LOXHD1: variants seen among roughly 807,000 people sequenced by gnomAD.
LOXHD1 encodes the protein lipoxygenase homology PLAT domains 1.
Under a neutral mutation model 248.2 loss-of-function variants are expected in LOXHD1, and 205 were observed. The ratio of observed to expected loss-of-function variants is 0.83; its 90% confidence interval spans 0.74 to 0.93. LOXHD1 has a LOEUF of 0.93. LOXHD1 is among the 40% of genes least tolerant of loss of function. LOXHD1 has a pLI of 0.00. For missense variants in LOXHD1, 2,930 were observed against 2,971.6 expected, an observed-to-expected ratio of 0.99 and a Z score of 0.33; for synonymous variants, 1,113 against 1,162.8, an observed-to-expected ratio of 0.96 and a Z score of 0.87.
rs534992278 is a variant in LOXHD1 at position 46,574,615 on chromosome 18, T to TAA, written c.1971-2455_1971-2454dup. Among the ~76,000 whole-genome samples, 599 of 122,966 alleles carry TAA rather than the reference T, an allele frequency of 4.9e-3. 1 individual carries two copies. Among genetic ancestry groups the TAA allele is most frequent in the Non-Finnish European group, 6.5e-3 (373 of 57,682 alleles). The allele number at this position is 122,966 out of a possible 152,430, so 80.7% of individuals were successfully genotyped here. ...CAGCAAGACATAAGAACCCATTTTC[T>TAA]AAAAAAAAAAAAAAAAAAATGCATG... On this transcript the variant is annotated intron_variant, in intron 14 of 40. Transcript: ENST00000642948.
In LOXHD1 at chr18:46,499,905, C is replaced by T. The variant is rs115989295; in HGVS notation, c.5878+5933G>A. On this transcript the variant is annotated intron_variant, in intron 37 of 40. Coordinates refer to ENST00000642948, the MANE Select transcript of LOXHD1 (RefSeq NM_001384474.1). ...TGCTGTTTGGAAACAAATGAGGCCT[C>T]ATGTTTCCTCTATTAAATTTATGTC... Among the ~76,000 whole-genome samples, 1,522 of 152,240 alleles carry T rather than the reference C, an allele frequency of 1.0e-2. 27 individuals carry two copies. The highest frequency in any genetic ancestry group is 0.035 in the African/African-American group (1,456 of 41,546).
intron 26 of LOXHD1, 37 bp downstream of exon 26, chr18:46,538,119 C>T (rs2036393992): frequency 1.3e-6 from 2 of 1,508,164 alleles, no homozygotes; most frequent in Non-Finnish European, 1.8e-6. Context: ...TCTGTCTGAC[C>T]TACTCCATCC....
At chr18:46,560,599 C>T in intron 18 of LOXHD1, 54 bp from the exon 19 acceptor site, 2 of 1,437,768 alleles carry the variant, frequency 1.4e-6, no homozygotes, top group East Asian at 5.0e-5. Context: ...TCCCCAACGC[C>T]CCCAACACCC....
rs764570609 is a variant in LOXHD1, at chr18:46,560,538, G to A, written c.2606C>T (p.Ala869Val). The change falls in exon 19 of 41, where the codon GCG becomes GTG. Residue 869 changes from alanine (A) to valine (V), a missense_variant. Ala to Val is a moderately conservative substitution (Grantham distance 64). Coordinates refer to ENST00000642948, the MANE Select transcript of LOXHD1 (RefSeq NM_001384474.1). ...CTTATAGACCTCGCCCACGTCGGCC[G>A]CCTCAAGCTGTTCAAAGGGCAGGGC... is the stretch of plus-strand genomic sequence containing the variant. ...RASKDTFQLE[A>V]ADVGEVYKLR... 25 of 1,528,488 alleles carry A rather than the reference G, an allele frequency of 1.6e-5. No individual in the cohort carries two copies. The highest frequency in any genetic ancestry group is 8.2e-5 in the African/African-American group (6 of 72,930). 94.7% of individuals were successfully genotyped at this position (1,528,488 alleles called of 1,614,324 possible). A position where few individuals can be genotyped will look rare whatever the true frequency, so the allele number is the denominator to read the frequency against.
chr18:46,524,007 G>A (rs2035705478), intron 31 of LOXHD1, among the ~76,000 whole-genome samples: 1 of 152,122 alleles, frequency 6.6e-6, no homozygotes, highest in Non-Finnish European at 1.5e-5. Context: ...AACTTGCCAG[G>A]GAACTCTGAT....
At chr18:46,548,272 T>C (rs1004757251) in intron 21 of LOXHD1, among the ~76,000 whole-genome samples, 4 of 152,274 alleles carry the variant, frequency 2.6e-5, no homozygotes, top group African/African-American at 9.6e-5. Flanking sequence ...CCTGCCCTGA[T>C]GCACAAGGGC....
At chr18:46,486,734 A>C (rs966244004) in intron 38 of LOXHD1, among the ~76,000 whole-genome samples, 1 of 152,182 alleles carries the variant, frequency 6.6e-6, no homozygotes, top group Admixed American at 6.5e-5. Context: ...TATCACCGTG[A>C]TGGACTCAAG....
rs530063445 is a variant in LOXHD1 at position 46,538,459 on chromosome 18, G to A, written c.3914-122C>T. ...CCCTTGCACTGGGGAACTGCTGCCC[G>A]GGGAACTGCTGCTCAGGGACCTGGA... On this transcript the variant is annotated intron_variant, in intron 25 of 40. Transcript: ENST00000642948. 990 of 983,382 alleles carry A rather than the reference G, an allele frequency of 1.0e-3. 6 individuals are homozygous for A. The African/African-American group carries it at 0.012, about 12-fold the overall frequency. The allele number at this position is 983,382 out of a possible 1,614,324, so 60.9% of individuals were successfully genotyped here.
chr18:46,574,258 T>C (rs778245411), intron 14 of LOXHD1, among the ~76,000 whole-genome samples: 1 of 152,166 alleles, frequency 6.6e-6, no homozygotes, highest in East Asian at 1.9e-4. Context: ...TTTCCAAATA[T>C]AGCCAGTTTC....
At chr18:46,518,920 C>A in intron 33 of LOXHD1, 1 of 985,536 alleles carries the variant, frequency 1.0e-6, no homozygotes. Flanking sequence ...GTGAGACAAT[C>A]CCCTAGTTCC....
At position 46,577,831 on chromosome 18, in the gene LOXHD1, T is replaced by G. The variant is rs1489268859; in HGVS notation, c.1846A>C (p.Asn616His). ...EFTIESVTMR[N>H]VRRVRIRHDG... ...TGTCTGATCCTCACCCGCCTCACATTCCGCATGGTGACAGACTCGATAGTG... is the reference window on the plus strand; with the variant it reads ...TGTCTGATCCTCACCCGCCTCACATGCCGCATGGTGACAGACTCGATAGTG... Residue 616 changes from asparagine (N) to histidine (H), a missense_variant, in exon 14 of 41, where the codon AAT becomes CAT. Transcript: ENST00000642948. 1 of 1,551,562 alleles carries G rather than the reference T, an allele frequency of 6.4e-7. No homozygotes were observed. The highest frequency in any genetic ancestry group is 8.7e-7 in the Non-Finnish European group (1 of 1,146,992).
intron 4 of LOXHD1, among the ~76,000 whole-genome samples, chr18:46,629,200 G>A (rs2038786498): frequency 6.6e-6 from 1 of 152,182 alleles, no homozygotes; most frequent in Non-Finnish European, 1.5e-5. Flanking sequence ...ACTGAGGATA[G>A]GAGGGGAACT....
intron 1 of LOXHD1, among the ~76,000 whole-genome samples, chr18:46,649,506 G>T (rs144702623): frequency 6.6e-6 from 1 of 152,302 alleles, no homozygotes; most frequent in African/African-American, 2.4e-5. Flanking sequence ...GAGGGCAAGA[G>T]GGCAGGTCCT....
chr18:46,593,778 T>C lies in LOXHD1; in HGVS notation c.1271-18A>G. The stretch of plus-strand genomic sequence containing the variant: ...AGGGAATTCTGTAAGACAGATCAAG[T>C]TGCACCATAAACTTCAGGAAGTGAA... On this transcript the variant is annotated intron_variant, in intron 9 of 40. Coordinates refer to ENST00000642948, the MANE Select transcript of LOXHD1 (RefSeq NM_001384474.1). 1 of 1,551,116 alleles carries C rather than the reference T, an allele frequency of 6.4e-7. No homozygotes were observed. Among genetic ancestry groups the C allele is most frequent in the Non-Finnish European group, 8.7e-7 (1 of 1,146,686 alleles).
chr18:46,642,078 T>C, intron 2 of LOXHD1, 42 bp from the exon 3 acceptor site: 1 of 1,534,660 alleles, frequency 6.5e-7, no homozygotes, highest in Non-Finnish European at 8.8e-7. Flanking sequence ...AGCTGTTGGC[T>C]CACAGGCCTG....
intron 14 of LOXHD1, 66 bp from the exon 15 acceptor site, chr18:46,572,228 A>G: frequency 1.4e-6 from 2 of 1,383,816 alleles, no homozygotes; most frequent in Non-Finnish European, 2.0e-6. Context: ...AGCTTCACCC[A>G]TTCATGCAGA....
chr18:46,594,935 C>G (rs1227767058), intron 8 of LOXHD1, among the ~76,000 whole-genome samples: 1 of 152,182 alleles, frequency 6.6e-6, no homozygotes, highest in Non-Finnish European at 1.5e-5. Context: ...TTCTCTATCT[C>G]TACCCAGTTC....
intron 5 of LOXHD1, among the ~76,000 whole-genome samples, chr18:46,615,410 T>C (rs1192317906): frequency 6.6e-6 from 1 of 152,196 alleles, no homozygotes; most frequent in African/African-American, 2.4e-5. Context: ...CCAGATAAAT[T>C]CTGTTCCGGG....
At chr18:46,504,356 T>G (rs764650170) in intron 37 of LOXHD1, among the ~76,000 whole-genome samples, 1 of 152,198 alleles carries the variant, frequency 6.6e-6, no homozygotes. Context: ...TCTGCCTACC[T>G]CAGCCTCCCA....
Sources: allele counts gnomAD v4.1 joint callset (sites outside exome capture counted in the v4.1 genomes callset), GRCh38; gene constraint gnomAD v4.1.1; transcripts MANE v1.5; gene names NCBI Gene and HGNC (gene_info 2026-07-23, HGNC 2026-07-21).